Variants in XKR9 observed in about 807,000 individuals in gnomAD.
XKR9 encodes XK related 9.
In XKR9, 32 loss-of-function variants were observed where a neutral mutation model predicts 32.0. The ratio of observed to expected loss-of-function variants is 1.00; its 90% CI spans 0.76 to 1.34. The LOEUF is 1.34. Among genes scored for constraint, XKR9 ranks in the 40% most tolerant of loss-of-function variants. The pLI is 0.00. For missense variants in XKR9, 546 were observed against 429.7 expected (o/e 1.27, Z -2.39); for synonymous variants, 168 against 143.4 (o/e 1.17, Z -1.22).
rs375243 is a variant in XKR9, at chr8:70,734,309, T to G, written c.1007T>G (p.Leu336Arg). Reference protein sequence around the residue: ...VLTLLLGILFLIVYYGSFHPN... With the variant: ...VLTLLLGILFRIVYYGSFHPN... Reference sequence around the variant, plus strand: ...ACTCTTCTTCTTGGAATTCTTTTTCTTATTGTTTATTATGGGAGTTTTCAC... The same window carrying G: ...ACTCTTCTTCTTGGAATTCTTTTTCGTATTGTTTATTATGGGAGTTTTCAC... The change falls in exon 5 of 5, where the codon CTT (leucine) becomes CGT (arginine). Residue 336 changes from leucine to arginine, a missense_variant. By Grantham distance (102) the Leu-to-Arg change is moderately radical. Coordinates refer to ENST00000408926, the MANE Select transcript of XKR9 (RefSeq NM_001011720.2). 36 of 1,612,398 alleles carry G rather than the reference T, an allele frequency of 2.2e-5. No individual in the cohort carries two copies. Among genetic ancestry groups the G allele is most frequent in the Non-Finnish European group, 3.1e-5 (36 of 1,179,366 alleles).
intron 2 of XKR9, among the ~76,000 whole-genome samples, chr8:70,768,547 G>A (rs920924206): frequency 1.3e-5 from 2 of 151,996 alleles, no homozygotes; most frequent in African/African-American, 2.4e-5. Flanking sequence ...TTATTGTGTG[G>A]GAGTCTAAGT....
At chr8:70,821,658 G>T in the XKR9 span, among the ~76,000 whole-genome samples, 19 of 152,302 alleles carry the variant, frequency 1.2e-4, no homozygotes, top group African/African-American at 4.6e-4. Flanking sequence ...GTGCCTTCAC[G>T]ATCAACATCA....
chr8:70,959,743 A>T, the XKR9 span, among the ~76,000 whole-genome samples: 1 of 152,198 alleles, frequency 6.6e-6, no homozygotes, highest in African/African-American at 2.4e-5. Flanking sequence ...TGATTTTGTT[A>T]TGAGTGAGGC....
At chr8:70,993,601 T>TCTTC in the XKR9 span, among the ~76,000 whole-genome samples, 4,713 of 103,830 alleles carry the variant, frequency 0.045, 141 homozygotes, top group East Asian at 0.068. Context: ...TCATAGGACA[T>TCTTC]CTTCCTTCCT....
chr8:70,783,418 G>C (rs1157556866), intron 2 of XKR9, among the ~76,000 whole-genome samples: 1 of 151,918 alleles, frequency 6.6e-6, no homozygotes. Context: ...AGTAGAGATG[G>C]GGTTTCACCG....
chr8:70,783,597 T>G (rs928907114), intron 2 of XKR9, among the ~76,000 whole-genome samples: 1 of 152,172 alleles, frequency 6.6e-6, no homozygotes, highest in African/African-American at 2.4e-5. Flanking sequence ...CCTTGTATAT[T>G]TTGGATATTA....
At chr8:70,897,863 T>C in the XKR9 span, among the ~76,000 whole-genome samples, 1 of 152,230 alleles carries the variant, frequency 6.6e-6, no homozygotes, top group African/African-American at 2.4e-5. Context: ...GTGCAAAAGC[T>C]TTTTAACTTG....
At chr8:70,851,496 C>A in the XKR9 span, among the ~76,000 whole-genome samples, 1 of 152,112 alleles carries the variant, frequency 6.6e-6, no homozygotes, top group African/African-American at 2.4e-5. Flanking sequence ...ACAAAAAGAA[C>A]AAAGCTGGAG....
Position 70,734,548 on chromosome 8 carries a change from A to G in XKR9, c.*124A>G, listed in dbSNP as rs1301273067. On this transcript the variant is annotated 3_prime_UTR_variant, in exon 5 of 5. Coordinates refer to ENST00000408926, the MANE Select transcript of XKR9 (RefSeq NM_001011720.2). Reference sequence around the variant, plus strand: ...TTTAATTTGAAATTAGTTCAGTGAAATAGGAGATACATAGTAGTATTTTAT... The same window carrying G: ...TTTAATTTGAAATTAGTTCAGTGAAGTAGGAGATACATAGTAGTATTTTAT... The G allele has an allele frequency of 3.2e-6, 4 of 1,256,538 alleles. No homozygotes were observed. The highest frequency in any genetic ancestry group is 4.1e-6 in the Non-Finnish European group (4 of 969,660). The allele number at this position is 1,256,538 out of a possible 1,614,324, so 77.8% of individuals were successfully genotyped here. A position where few individuals can be genotyped will look rare whatever the true frequency, so the allele number is the denominator to read the frequency against.
chr8:70,880,620 G>C, the XKR9 span, among the ~76,000 whole-genome samples: 1 of 152,150 alleles, frequency 6.6e-6, no homozygotes, highest in Non-Finnish European at 1.5e-5. Context: ...TGAAATAAAA[G>C]AGGACACAAA....
chr8:70,673,719 C>T (rs779646198), intron 1 of XKR9, among the ~76,000 whole-genome samples: 6 of 151,524 alleles, frequency 4.0e-5, no homozygotes, highest in Non-Finnish European at 7.4e-5. Context: ...GAGCTGAGAT[C>T]GCGGCACTGC....
At chr8:70,765,756 T>C (rs547575789) in intron 2 of XKR9, among the ~76,000 whole-genome samples, 1 of 152,348 alleles carries the variant, frequency 6.6e-6, no homozygotes, top group Admixed American at 6.5e-5. Context: ...ATTTAAGTCT[T>C]GAATCCATCT....
chr8:70,918,203 A>C, the XKR9 span, among the ~76,000 whole-genome samples: 3 of 152,194 alleles, frequency 2.0e-5, no homozygotes, highest in Non-Finnish European at 4.4e-5. Flanking sequence ...CTGGTTACAC[A>C]AAGGATGATC....
chr8:71,004,636 T>C, the XKR9 span, among the ~76,000 whole-genome samples: 64,607 of 152,044 alleles, frequency 0.42, 14,768 homozygotes, highest in Non-Finnish European at 0.52. Flanking sequence ...TGGCTATCTC[T>C]AAACGTGCCA....
the XKR9 span, among the ~76,000 whole-genome samples, chr8:70,815,084 G>A: frequency 6.6e-6 from 1 of 152,194 alleles, no homozygotes; most frequent in Non-Finnish European, 1.5e-5. Flanking sequence ...GAACGAAATT[G>A]TAGATGACAC....
chr8:70,728,324 C>T (rs1019839566), intron 4 of XKR9, among the ~76,000 whole-genome samples: 5 of 152,162 alleles, frequency 3.3e-5, no homozygotes, highest in Non-Finnish European at 7.3e-5. Flanking sequence ...TAACTTCTTC[C>T]TGCTGATCAG....
chr8:70,965,350 C>A, the XKR9 span, among the ~76,000 whole-genome samples: 2 of 152,222 alleles, frequency 1.3e-5, no homozygotes, highest in South Asian at 4.2e-4. Context: ...TTCAATTTGC[C>A]AGTATTTTAT....
intron 2 of XKR9, among the ~76,000 whole-genome samples, chr8:70,759,710 A>G (rs554567985): frequency 1.3e-5 from 2 of 152,350 alleles, no homozygotes; most frequent in African/African-American, 2.4e-5. Flanking sequence ...TTGCTGTGAC[A>G]TCTGGTGGCA....
chr8:70,755,523 T>C (rs1200073513), intron 2 of XKR9, among the ~76,000 whole-genome samples: 2 of 152,050 alleles, frequency 1.3e-5, no homozygotes, highest in Non-Finnish European at 2.9e-5. Flanking sequence ...TGTCCAACAA[T>C]GATAGACTGG....
Sources: gnomAD v4.1 joint callset for allele counts (sites outside exome capture counted in the v4.1 genomes callset) on GRCh38, gnomAD v4.1.1 for gene constraint, MANE v1.5 for transcripts, NCBI Gene and HGNC (gene_info 2026-07-23, HGNC 2026-07-21) for gene names.